The following ABTB2 variants were observed in gnomAD, a reference collection of about 807,000 sequenced individuals.
ABTB2 encodes the protein ankyrin repeat and BTB/POZ domain-containing protein 2.
Under a neutral mutation model 104.1 loss-of-function variants are expected in ABTB2, and 56 were observed. The observed-to-expected ratio is 0.54, with a 90% CI of 0.43 to 0.67. The LOEUF (loss-of-function observed/expected upper bound fraction) is 0.67, where lower values mean the gene tolerates loss of function less well. Ranked by LOEUF, ABTB2 falls within the 30% of genes least tolerant of loss-of-function variation. ABTB2 has a pLI of 0.00. For synonymous variants in ABTB2, 606 were observed against 608.2 expected, an observed-to-expected ratio of 1.00 and a Z score of 0.05; for missense variants, 1,279 against 1,407.7, an observed-to-expected ratio of 0.91 and a Z score of 1.46.
At chr11:34,286,191 C>T (rs1854502071) in intron 1 of ABTB2, among the ~76,000 whole-genome samples, 1 of 150,904 alleles carries the variant, frequency 6.6e-6, no homozygotes, top group Admixed American at 6.6e-5. Flanking sequence ...GATGTGGTGG[C>T]TCACACCTGT....
At chr11:34,167,109 GCTCTATCGATCAGGTGAGCTGGC>G (rs1266357144) in intron 7 of ABTB2, 127 bp downstream of exon 7, 29 of 680,958 alleles carry the variant, frequency 4.3e-5, no homozygotes, top group Non-Finnish European at 6.8e-5. Flanking sequence ...GTGGGCTGCT[GCTCTATCGATCAGGTGAGCTGGC>G]CTCAAGCAGT....
intron 1 of ABTB2, among the ~76,000 whole-genome samples, chr11:34,282,651 C>G (rs1854459963): frequency 1.3e-5 from 2 of 151,460 alleles, no homozygotes; most frequent in Admixed American, 6.6e-5. Context: ...CTCAGCCTTC[C>G]AAGTAGCTGG....
At chr11:34,296,929 G>T (rs186036456) in intron 1 of ABTB2, among the ~76,000 whole-genome samples, 13 of 152,216 alleles carry the variant, frequency 8.5e-5, no homozygotes, top group Non-Finnish European at 1.6e-4. Flanking sequence ...GGTTTAAAAA[G>T]GCCCAACTTC....
chr11:34,342,613 A>T (rs959888616), intron 1 of ABTB2, among the ~76,000 whole-genome samples: 4 of 152,206 alleles, frequency 2.6e-5, no homozygotes, highest in African/African-American at 9.7e-5. Context: ...CACATGATAT[A>T]ATACATGTGA....
At chr11:34,294,108 G>A (rs1244592498) in intron 1 of ABTB2, among the ~76,000 whole-genome samples, 2 of 152,210 alleles carry the variant, frequency 1.3e-5, no homozygotes, top group Non-Finnish European at 2.9e-5. Flanking sequence ...AAGGCAGGCA[G>A]ATCCCTTGAG....
intron 3 of ABTB2, among the ~76,000 whole-genome samples, chr11:34,194,336 C>G (rs374538743): frequency 2.0e-5 from 3 of 152,298 alleles, no homozygotes; most frequent in Admixed American, 1.3e-4. Context: ...TCAGGGGCTC[C>G]GTCCAATTCT....
chr11:34,313,953 G>A (rs1854891715), intron 1 of ABTB2, among the ~76,000 whole-genome samples: 1 of 152,228 alleles, frequency 6.6e-6, no homozygotes, highest in African/African-American at 2.4e-5. Context: ...AGGTGGGGCA[G>A]GTTGGAGGGC....
At chr11:34,274,158 CAAAAAAAAAAAAAAAAAA>C (rs763755237) in intron 1 of ABTB2, among the ~76,000 whole-genome samples, 3 of 50,738 alleles carry the variant, frequency 5.9e-5, no homozygotes, top group African/African-American at 1.4e-4. Flanking sequence ...GACTCCGTCT[CAAAAAAAAAAAAAAAAAA>C]AAAAAAAAAA....
intron 1 of ABTB2, among the ~76,000 whole-genome samples, chr11:34,330,395 CAG>C (rs1288991922): frequency 9.2e-5 from 14 of 152,138 alleles, no homozygotes; most frequent in Non-Finnish European, 1.8e-4. Flanking sequence ...TATTGTTGCA[CAG>C]AGTTATTTTA....
At position 34,154,636 on chromosome 11, in the gene ABTB2, G is replaced by A. The variant is rs1490222600; in HGVS notation, c.2766+65C>T. The A allele has an allele frequency of 1.3e-6, 2 of 1,522,520 alleles. No individual in the cohort carries two copies. Among genetic ancestry groups the A allele is most frequent in the Middle Eastern group, 3.6e-4 (2 of 5,602 alleles). 94.3% of individuals were successfully genotyped at this position (1,522,520 alleles called of 1,614,324 possible). A position where few individuals can be genotyped will look rare whatever the true frequency, so the allele number is the denominator to read the frequency against. On this transcript the variant is annotated intron_variant, in intron 15 of 16. Transcript: ENST00000435224. This position sits in a 1 kb window ranked among gnomAD's most constrained non-coding sequence, Gnocchi z 4.9. ...AAGAGCCACCTTCCCTCTGAAGGGG[G>A]TGAATGGGAGACCGAGCCGCTGGGC...
intron 2 of ABTB2, among the ~76,000 whole-genome samples, chr11:34,198,454 CA>C (rs71457323): frequency 0.024 from 3,484 of 143,074 alleles, 67 homozygotes; most frequent in South Asian, 0.076. Context: ...ACAACAACAA[CA>C]AAAAAAAACA....
intron 1 of ABTB2, among the ~76,000 whole-genome samples, chr11:34,225,484 G>A (rs1204197191): frequency 6.6e-6 from 1 of 152,148 alleles, no homozygotes; most frequent in Non-Finnish European, 1.5e-5. Context: ...AGCCAGGCGC[G>A]GTGGCTCATG....
intron 9 of ABTB2, 112 bp from the exon 10 acceptor site, chr11:34,162,917 G>GGCTC: frequency 9.5e-7 from 1 of 1,054,978 alleles, no homozygotes; most frequent in Non-Finnish European, 1.3e-6. Flanking sequence ...GGTACCCGAG[G>GGCTC]GCTCGGAGTT....
chr11:34,264,133 C>T (rs1041089567), intron 1 of ABTB2, among the ~76,000 whole-genome samples: 1 of 152,202 alleles, frequency 6.6e-6, no homozygotes, highest in Non-Finnish European at 1.5e-5. Flanking sequence ...GTTTTAGGGC[C>T]ATCAGGAGAG....
intron 1 of ABTB2, among the ~76,000 whole-genome samples, chr11:34,261,486 A>G (rs943131283): frequency 5.7e-5 from 8 of 140,630 alleles, no homozygotes; most frequent in Non-Finnish European, 9.1e-5. Context: ...TGCATTATAT[A>G]AAAAAGTACT....
chr11:34,162,022 G>A (rs1228228460), intron 10 of ABTB2, among the ~76,000 whole-genome samples: 1 of 152,178 alleles, frequency 6.6e-6, no homozygotes, highest in African/African-American at 2.4e-5. Flanking sequence ...TTCAGGTGAT[G>A]TCACCTCATT....
At position 34,189,593 on chromosome 11, in the gene ABTB2, C is replaced by A. The variant is rs560516699; in HGVS notation, c.1244+7732G>T. Reference sequence around the variant, plus strand: ...CCCACCCTGGGTGACAGAGTGAGACCCTGTCTCAACAACAACAACCACTCA... The same window carrying A: ...CCCACCCTGGGTGACAGAGTGAGACACTGTCTCAACAACAACAACCACTCA... On this transcript the variant is annotated intron_variant, in intron 3 of 16. Transcript: ENST00000435224. Among the ~76,000 whole-genome samples, 5 of 152,188 alleles carry A rather than the reference C, an allele frequency of 3.3e-5. No individual in the cohort carries two copies. In the South Asian group the frequency reaches 1.0e-3, roughly 32 times the overall value.
At chr11:34,253,614 T>G (rs931649149) in intron 1 of ABTB2, among the ~76,000 whole-genome samples, 8 of 151,468 alleles carry the variant, frequency 5.3e-5, no homozygotes, top group African/African-American at 1.9e-4. Context: ...AGGCGGAGGT[T>G]GCAGTGAGCA....
chr11:34,153,104 A>ACACAAC (rs1450893119), intron 16 of ABTB2, among the ~76,000 whole-genome samples: 16 of 152,222 alleles, frequency 1.1e-4, no homozygotes, highest in African/African-American at 3.9e-4. Flanking sequence ...CCAACGTGAC[A>ACACAAC]GGATGGCTTG....
Sources: allele counts gnomAD v4.1 joint callset (sites outside exome capture counted in the v4.1 genomes callset), GRCh38; gene constraint gnomAD v4.1.1; non-coding constraint Gnocchi (gnomAD v3.1); transcripts MANE v1.5; gene names NCBI Gene and HGNC (gene_info 2026-07-23, HGNC 2026-07-21).